Variants in FYCO1 observed in about 807,000 individuals in gnomAD.
FYCO1 encodes the protein FYVE and coiled-coil domain autophagy adaptor 1, also known as FYVE and coiled-coil domain-containing protein 1.
A neutral mutation model predicts 165.1 loss-of-function variants in FYCO1; 122 were observed. The ratio of observed to expected loss-of-function variants is 0.74; its 90% CI spans 0.64 to 0.86. The LOEUF (loss-of-function observed/expected upper bound fraction) is 0.86, where lower values mean the gene tolerates loss of function less well. Ranked by LOEUF, FYCO1 falls within the 40% of genes least tolerant of loss-of-function variation. The probability of loss-of-function intolerance (pLI) is 0.00; values close to 1 mark genes in which losing one functional copy is unlikely to be tolerated. For missense variants in FYCO1, 1,702 were observed against 1,810.3 expected, an observed-to-expected ratio of 0.94 and a Z score of 1.09; for synonymous variants, 648 against 742.5, an observed-to-expected ratio of 0.87 and a Z score of 2.07.
Position 45,921,620 on chromosome 3 carries a change from C to T in FYCO1, c.*145G>A. On this transcript the variant is annotated 3_prime_UTR_variant, in exon 18 of 18. Coordinates refer to ENST00000296137, the MANE Select transcript of FYCO1 (RefSeq NM_024513.4). ...GGTGCAGAGTGCTGAGCACAAAGTCCTCCCCAGACACCGCCTCTGAGGGGC... is the reference window on the plus strand; with the variant it reads ...GGTGCAGAGTGCTGAGCACAAAGTCTTCCCCAGACACCGCCTCTGAGGGGC... 2.9e-6 allele frequency: 2 copies of T among 694,030 alleles called. No homozygotes were observed. The highest frequency in any genetic ancestry group is 5.3e-6 in the Non-Finnish European group (2 of 377,484). The allele number at this position is 694,030 out of a possible 1,614,324, so 43.0% of individuals were successfully genotyped here. A position where few individuals can be genotyped will look rare whatever the true frequency, so the allele number is the denominator to read the frequency against.
Position 45,946,953 on chromosome 3 carries a change from A to G in FYCO1, c.3944+8296T>C, listed in dbSNP as rs145873025. On this transcript the variant is annotated intron_variant, in intron 14 of 17. Transcript: ENST00000296137. ...GGTCACCAGCTTGCTCATCTGGGTGATATCCCTGCTGGTTTCCTTGCCCCA... is the reference window on the plus strand; with the variant it reads ...GGTCACCAGCTTGCTCATCTGGGTGGTATCCCTGCTGGTTTCCTTGCCCCA... The G allele has an allele frequency of 1.9e-5, 31 of 1,614,118 alleles. No homozygotes were observed. The highest frequency in any genetic ancestry group is 2.4e-5 in the Non-Finnish European group (28 of 1,180,048).
chr3:45,990,495 T>A (rs1436823420), intron 1 of FYCO1, among the ~76,000 whole-genome samples: 2 of 152,142 alleles, frequency 1.3e-5, no homozygotes, highest in African/African-American at 4.8e-5. Flanking sequence ...CACTGCAGAG[T>A]CTCACATTAT....
rs1381614150 is a variant in FYCO1, at chr3:45,955,302, A to G, written c.3891T>C (p.Ser1297=). ...CAGTTTCAGTGGGTGTTTCAGGCAA[A>G]GAGGAGCCGGACTCCTGTATCTGGC... is the stretch of plus-strand genomic sequence containing the variant. ...ELCQIQESGS[S]LPETPTETDS... The change falls in exon 14 of 18, where the codon TCT becomes TCC. Residue 1297 remains serine (S), a synonymous_variant. Transcript: ENST00000296137. 1 of 1,614,166 alleles carries G rather than the reference A, an allele frequency of 6.2e-7. No individual in the cohort carries two copies. Among genetic ancestry groups the G allele is most frequent in the African/African-American group, 1.3e-5 (1 of 75,024 alleles).
chr3:45,992,852 T>G (rs1435812018), intron 1 of FYCO1, among the ~76,000 whole-genome samples: 1 of 152,210 alleles, frequency 6.6e-6, no homozygotes, highest in Admixed American at 6.5e-5. Context: ...AACCACTGTT[T>G]CTGATTCAGC....
chr3:45,924,938 T>A (rs201532844), intron 16 of FYCO1, among the ~76,000 whole-genome samples: 25 of 20,256 alleles, frequency 1.2e-3, no homozygotes, highest in East Asian at 0.17. Context: ...TTAAAAAAAA[T>A]TTTTTTTTTA....
At position 45,974,002 on chromosome 3, in the gene FYCO1, A is replaced by G. The variant is rs144694593; in HGVS notation, c.396-771T>C. 1.5e-3 allele frequency among the ~76,000 whole-genome samples: 232 copies of G among 152,336 alleles called. 1 individual carries two copies. Among genetic ancestry groups the G allele is most frequent in the Non-Finnish European group, 2.3e-3 (159 of 68,024 alleles). On this transcript the variant is annotated intron_variant, in intron 5 of 17. Transcript: ENST00000296137. ...CTTGAACCCAGGAGGTAGAGGCCAC[A>G]GTAAGCCATGATCATGCCACTGCAC...
intron 2 of FYCO1, among the ~76,000 whole-genome samples, chr3:45,981,930 A>G (rs981773416): frequency 3.3e-5 from 5 of 152,226 alleles, no homozygotes; most frequent in Non-Finnish European, 5.9e-5. Flanking sequence ...TCCACCACCC[A>G]GGGCTAGTAA....
intron 14 of FYCO1, among the ~76,000 whole-genome samples, chr3:45,953,890 G>A (rs114027022): frequency 3.9e-5 from 6 of 152,348 alleles, no homozygotes; most frequent in Non-Finnish European, 8.8e-5. Flanking sequence ...CTGAGAGGGC[G>A]CATCTATCAG....
rs562519497 is a variant in FYCO1, at chr3:45,969,751, G to A, written c.554C>T (p.Thr185Ile). 1 of 1,613,848 alleles carries A rather than the reference G, an allele frequency of 6.2e-7. No homozygotes were observed. Among genetic ancestry groups the A allele is most frequent in the East Asian group, 2.2e-5 (1 of 44,884 alleles). The stretch of plus-strand genomic sequence containing the variant: ...TTTCCACAGGTAAGCAGAAGAGCCA[G>A]TGGTCAGCGTCCTCCTGTGGGGCCA... ...WPTFARRTLT[T>I]GSSAYLWKPP... The change falls in exon 7 of 18, where the codon ACT becomes ATT. Residue 185 changes from threonine to isoleucine, a missense_variant. By Grantham distance (89) the Thr-to-Ile change is moderately conservative. Transcript: ENST00000296137.
chr3:45,962,173 A>AAAAACCCCAGTGTGGGG lies in FYCO1; in HGVS notation c.3437+35_3437+51dup. ...CAAGAACAGCTGCATTTCTTTAGAG[A>AAAAACCCCAGTGTGGGG]AAAACCCCAGTGTGGGGAAAACCCC... On this transcript the variant is annotated intron_variant, in intron 11 of 17. Coordinates refer to ENST00000296137, the MANE Select transcript of FYCO1 (RefSeq NM_024513.4). This position sits in a 1 kb window ranked among gnomAD's most constrained non-coding sequence, Gnocchi z 4.4. The AAAAACCCCAGTGTGGGG allele has an allele frequency of 1.3e-6, 2 of 1,592,896 alleles. No homozygotes were observed. The highest frequency in any genetic ancestry group is 3.3e-5 in the Admixed American group (2 of 59,994).
intron 1 of FYCO1, among the ~76,000 whole-genome samples, chr3:45,989,576 C>T (rs915359210): frequency 6.6e-6 from 1 of 152,224 alleles, no homozygotes; most frequent in Admixed American, 6.5e-5. Context: ...CCCCTTGGAC[C>T]TATGATTAAA....
In FYCO1 at chr3:45,964,975, C is replaced by A. The variant is rs1302070694; in HGVS notation, c.3150+58G>T. ...CATGCAGGGAGCCCTCTTAAATGGTCCAGTCAAAACCACACCAGATGCCCT... is the reference window on the plus strand; with the variant it reads ...CATGCAGGGAGCCCTCTTAAATGGTACAGTCAAAACCACACCAGATGCCCT... On this transcript the variant is annotated intron_variant, in intron 9 of 17. Transcript: ENST00000296137. The surrounding 1 kb of genome is among the most constrained non-coding windows in gnomAD (Gnocchi z 4.1). 7.9e-6 allele frequency: 11 copies of A among 1,396,574 alleles called. No homozygotes were observed. The highest frequency in any genetic ancestry group is 1.0e-5 in the Non-Finnish European group (10 of 985,692). 86.5% of individuals were successfully genotyped at this position (1,396,574 alleles called of 1,614,324 possible).
chr3:45,946,463 GT>G, intron 14 of FYCO1: 2 of 1,597,404 alleles, frequency 1.3e-6, no homozygotes, highest in Non-Finnish European at 1.7e-6. Context: ...ACTCACAGGT[GT>G]TCATCAGAAC....
chr3:45,983,036 C>T (rs138017682), intron 2 of FYCO1, among the ~76,000 whole-genome samples: 200 of 152,286 alleles, frequency 1.3e-3, no homozygotes, highest in African/African-American at 4.5e-3. Flanking sequence ...AAATTTTCAG[C>T]TCTAATCTCT....
chr3:45,992,241 G>A (rs948721716), intron 1 of FYCO1, among the ~76,000 whole-genome samples: 4 of 152,170 alleles, frequency 2.6e-5, no homozygotes, highest in Non-Finnish European at 4.4e-5. Context: ...ACCTGGGGAG[G>A]GGAGGTGCTG....
At chr3:45,985,072 T>A in intron 1 of FYCO1, 50 bp from the exon 2 acceptor site, 1 of 732,074 alleles carries the variant, frequency 1.4e-6, no homozygotes, top group Non-Finnish European at 2.5e-6. Context: ...AGACACAATT[T>A]AACGACAATA....
chr3:45,937,281 T>G (rs1164380005), intron 14 of FYCO1, among the ~76,000 whole-genome samples: 1 of 152,232 alleles, frequency 6.6e-6, no homozygotes, highest in Non-Finnish European at 1.5e-5. Context: ...AAGGCATCAA[T>G]GAGGAAGATC....
chr3:45,936,354 G>A (rs1211710716), intron 15 of FYCO1, 94 bp downstream of exon 15: 1 of 807,072 alleles, frequency 1.2e-6, no homozygotes, highest in South Asian at 1.3e-5. Context: ...TTAAGTTAGA[G>A]CCCCCGAGGT....
intron 16 of FYCO1, among the ~76,000 whole-genome samples, chr3:45,927,460 T>C (rs1319249629): frequency 6.6e-6 from 1 of 151,896 alleles, no homozygotes; most frequent in African/African-American, 2.4e-5. Flanking sequence ...CAAAAAGGCA[T>C]GGGAGGGAGA....
Sources: gnomAD v4.1 joint callset for allele counts (sites outside exome capture counted in the v4.1 genomes callset) on GRCh38, gnomAD v4.1.1 for gene constraint, Gnocchi (gnomAD v3.1) non-coding constraint, MANE v1.5 for transcripts, NCBI Gene and HGNC (gene_info 2026-07-23, HGNC 2026-07-21) for gene names.